XRN1: variants seen among roughly 807,000 people sequenced by gnomAD.
XRN1 encodes the protein 5'-3' exoribonuclease 1.
A neutral mutation model predicts 222.3 loss-of-function variants in XRN1; 67 were observed. That is an observed-to-expected ratio of 0.30 (90% CI 0.25 to 0.37). The LOEUF is 0.37. Ranked by LOEUF, XRN1 falls within the 10% of genes least tolerant of loss-of-function variation. XRN1 has a pLI of 1.00. For missense variants in XRN1, 1,707 were observed against 2,000.2 expected (o/e 0.85, Z 2.80); for synonymous variants, 643 against 652.4 (o/e 0.99, Z 0.22).
At chr3:142,442,894 C>T (rs1009020603) in intron 1 of XRN1, among the ~76,000 whole-genome samples, 8 of 152,128 alleles carry the variant, frequency 5.3e-5, no homozygotes, top group African/African-American at 7.2e-5. Context: ...ACACGACGCC[C>T]GGCTAATTTT....
rs767097491 is a variant in XRN1 at position 142,432,879 on chromosome 3, G to A, written c.90C>T (p.Asp30=). Residue 30 remains aspartate (D), a synonymous_variant, in exon 2 of 41, where the codon GAC becomes GAT. Transcript: ENST00000392981. ...VVKEHQIPEF[D]NLYLDMNGII... is the part of the protein sequence containing the mutation. ...TTCCATTCATATCCAGGTACAAGTT[G>A]TCAAATTCAGGAATCTGAAAAACAA... The A allele has an allele frequency of 1.9e-6, 3 of 1,604,530 alleles. No individual in the cohort carries two copies. Among genetic ancestry groups the A allele is most frequent in the African/African-American group, 1.3e-5 (1 of 74,740 alleles).
chr3:142,447,781 G>A lies in XRN1; in HGVS notation c.75+89C>T. On this transcript the variant is annotated intron_variant, in intron 1 of 40. Coordinates refer to ENST00000392981, the MANE Select transcript of XRN1 (RefSeq NM_001282857.2). The surrounding 1 kb of genome is among the most constrained non-coding windows in gnomAD (Gnocchi z 4.2). ...ATCGTCCAGACGACGAGGGGAAAGA[G>A]GTGGCTCGAAAGCCCCAGCTCTAAG... is the stretch of plus-strand genomic sequence containing the variant. The A allele has an allele frequency of 1.4e-6, 2 of 1,436,744 alleles. No individual in the cohort carries two copies. The highest frequency in any genetic ancestry group is 1.9e-6 in the Non-Finnish European group (2 of 1,039,044). 89.0% of individuals were successfully genotyped at this position (1,436,744 alleles called of 1,614,324 possible). A position where few individuals can be genotyped will look rare whatever the true frequency, so the allele number is the denominator to read the frequency against.
intron 19 of XRN1, among the ~76,000 whole-genome samples, chr3:142,399,234 T>C (rs926853569): frequency 7.1e-6 from 1 of 140,556 alleles, no homozygotes; most frequent in Non-Finnish European, 1.5e-5. Flanking sequence ...GCTAAAACAA[T>C]TCTGAAAAAA....
rs2065825270 is a variant in XRN1, at chr3:142,335,435, T to TA, written c.3939+12dup. The TA allele has an allele frequency of 6.2e-7, 1 of 1,613,098 alleles. No homozygotes were observed. Among genetic ancestry groups the TA allele is most frequent in the African/African-American group, 1.3e-5 (1 of 75,018 alleles). On this transcript the variant is annotated intron_variant, in intron 34 of 40. Transcript: ENST00000392981. ...AAATTGGTAACTAGAAATTTGATTT[T>TA]AAGGAAGCTTACCTGCTTATTGGAC...
chr3:142,431,975 G>GTATATATTATATAATATAT (rs2069612969), intron 2 of XRN1, among the ~76,000 whole-genome samples: 3 of 60,998 alleles, frequency 4.9e-5, no homozygotes, highest in African/African-American at 1.9e-4. Context: ...ATAATATATT[G>GTATATATTATATAATATAT]TATATATTAT....
chr3:142,335,290 C>T (rs2065821803), intron 34 of XRN1, among the ~76,000 whole-genome samples, 158 bp downstream of exon 34: 1 of 152,146 alleles, frequency 6.6e-6, no homozygotes, highest in Admixed American at 6.5e-5. Context: ...AGGTGTACAA[C>T]CTCCCATCCA....
intron 33 of XRN1, among the ~76,000 whole-genome samples, chr3:142,343,519 A>T (rs530622237): frequency 1.3e-5 from 2 of 152,270 alleles, no homozygotes; most frequent in Admixed American, 6.5e-5. Flanking sequence ...ATGCAAATCA[A>T]AACTATAATG....
chr3:142,381,670 C>T (rs1380747162), intron 22 of XRN1, among the ~76,000 whole-genome samples: 1 of 149,590 alleles, frequency 6.7e-6, no homozygotes, highest in Admixed American at 6.8e-5. Context: ...CAGGTTCAAG[C>T]AATTCTTATT....
chr3:142,435,618 G>A (rs2069850744), intron 1 of XRN1, among the ~76,000 whole-genome samples: 1 of 151,670 alleles, frequency 6.6e-6, no homozygotes, highest in African/African-American at 2.4e-5. Context: ...ATTAGCCTGG[G>A]TGGTGGCGCA....
chr3:142,332,296 A>G, intron 36 of XRN1, 79 bp downstream of exon 36: 1 of 1,119,682 alleles, frequency 8.9e-7, no homozygotes, highest in Non-Finnish European at 1.2e-6. Flanking sequence ...TTTTATCTTT[A>G]AAAGTACATG....
At chr3:142,375,736 C>A in intron 25 of XRN1, 62 bp downstream of exon 25, 3 of 1,460,408 alleles carry the variant, frequency 2.1e-6, no homozygotes, top group Non-Finnish European at 2.7e-6. Flanking sequence ...ATCAGGAAGG[C>A]AAAATAAACA....
At chr3:142,371,467 A>T in intron 25 of XRN1, 139 bp from the exon 26 acceptor site, 1 of 660,384 alleles carries the variant, frequency 1.5e-6, no homozygotes, top group Non-Finnish European at 2.5e-6. Context: ...GGATATTATT[A>T]AAAGTGATAG....
Position 142,349,246 on chromosome 3 carries a change from G to A in XRN1, c.3769-1904C>T, listed in dbSNP as rs541146226. ...TGGGATTACAGGTGTGAGCCACTGC[G>A]CCCGGCCAGCTTTTCAGTTATTAAG... On this transcript the variant is annotated intron_variant, in intron 32 of 40. Coordinates refer to ENST00000392981, the MANE Select transcript of XRN1 (RefSeq NM_001282857.2). 1.7e-3 allele frequency among the ~76,000 whole-genome samples: 257 copies of A among 152,154 alleles called. 1 individual carries two copies. Among genetic ancestry groups the A allele is most frequent in the African/African-American group, 4.6e-3 (189 of 41,510 alleles).
chr3:142,399,281 C>T (rs1229388251), intron 19 of XRN1, among the ~76,000 whole-genome samples: 3 of 145,136 alleles, frequency 2.1e-5, no homozygotes, highest in African/African-American at 7.6e-5. Context: ...AATCACACTA[C>T]CTGATGTTAA....
intron 33 of XRN1, among the ~76,000 whole-genome samples, chr3:142,335,865 A>C (rs1039411889): frequency 6.6e-6 from 1 of 152,194 alleles, no homozygotes; most frequent in African/African-American, 2.4e-5. Context: ...CTAAAAAAGC[A>C]GGTTAGAGCC....
Position 142,431,891 on chromosome 3 carries a change from TAA to T in XRN1, c.308+768_308+769del, listed in dbSNP as rs1382638131. Among the ~76,000 whole-genome samples, 90 of 35,112 alleles carry T rather than the reference TAA, an allele frequency of 2.6e-3. 1 individual carries two copies. Among genetic ancestry groups the T allele is most frequent in the African/African-American group, 0.012 (89 of 7,146 alleles). 23.0% of individuals were successfully genotyped at this position (35,112 alleles called of 152,430 possible). On this transcript the variant is annotated intron_variant, in intron 2 of 40. Transcript: ENST00000392981. ...TATATTATATTATATATATTATATATAATATATATATTATATATATAAATATA... is the reference window on the plus strand; with the variant it reads ...TATATTATATTATATATATTATATATTATATATATTATATATATAAATATA...
chr3:142,324,874 G>T (rs1361447933), intron 37 of XRN1, among the ~76,000 whole-genome samples: 2 of 151,996 alleles, frequency 1.3e-5, no homozygotes, highest in Non-Finnish European at 1.5e-5. Context: ...TCATATGTCT[G>T]TTGGCTGCAT....
At chr3:142,397,194 T>C (rs376890079) in intron 20 of XRN1, 135 bp downstream of exon 20, 13 of 848,624 alleles carry the variant, frequency 1.5e-5, no homozygotes, top group East Asian at 6.2e-5. Flanking sequence ...CTAGAACTCA[T>C]TACTTTCTAA....
intron 1 of XRN1, among the ~76,000 whole-genome samples, chr3:142,434,511 T>C (rs1366282767): frequency 1.6e-5 from 2 of 128,322 alleles, no homozygotes; most frequent in African/African-American, 3.1e-5. Context: ...TTTTTTACAC[T>C]TTTTTTTTTT....
Sources: gnomAD v4.1 joint callset for allele counts (sites outside exome capture counted in the v4.1 genomes callset) on GRCh38, gnomAD v4.1.1 for gene constraint, Gnocchi (gnomAD v3.1) non-coding constraint, MANE v1.5 for transcripts, NCBI Gene and HGNC (gene_info 2026-07-23, HGNC 2026-07-21) for gene names.